Variants in ACTRT3 observed in about 807,000 individuals in gnomAD.
ACTRT3 encodes actin related protein T3.
Under a neutral mutation model 17.6 loss-of-function variants are expected in ACTRT3, and 15 were observed. The ratio of observed to expected loss-of-function variants is 0.85; its 90% CI spans 0.57 to 1.31. The LOEUF (loss-of-function observed/expected upper bound fraction) is 1.31, where lower values mean the gene tolerates loss of function less well. ACTRT3 is among the 50% of genes most tolerant of loss of function. The pLI is 0.00. For missense variants in ACTRT3, 457 were observed against 466.7 expected (o/e 0.98, Z 0.19); for synonymous variants, 169 against 176.4 (o/e 0.96, Z 0.33).
At chr3:169,768,504 T>C (rs532074762) in intron 1 of ACTRT3, among the ~76,000 whole-genome samples, 154 bp from the exon 2 acceptor site, 221 of 151,758 alleles carry the variant, frequency 1.5e-3, no homozygotes, top group Admixed American at 4.0e-3. Context: ...CAGCCAAAAA[T>C]AGCACAGCTA....
intron 1 of ACTRT3, among the ~76,000 whole-genome samples, chr3:169,768,791 G>C (rs1778027984): frequency 6.6e-6 from 1 of 152,056 alleles, no homozygotes; most frequent in Non-Finnish European, 1.5e-5. Flanking sequence ...GCCTCCCAAA[G>C]TGCTAGGATT....
At chr3:169,768,376 G>C in intron 1 of ACTRT3, 26 bp from the exon 2 acceptor site, 1 of 1,571,566 alleles carries the variant, frequency 6.4e-7, no homozygotes, top group East Asian at 2.3e-5. Context: ...TAAGATCAAT[G>C]ACAGCTTTTT....
chr3:169,768,145 G>A lies in ACTRT3; in HGVS notation c.406C>T (p.Gln136Ter), dbSNP rs1778015598. The A allele has an allele frequency of 6.2e-7, 1 of 1,613,982 alleles. No individual in the cohort carries two copies. The highest frequency in any genetic ancestry group is 1.3e-5 in the African/African-American group (1 of 74,916). ...GCAGCAAAGAGAGCCAGCACAGCCTGGATGGACATATAGAAGGCAGGAACA... is the reference window on the plus strand; with the variant it reads ...GCAGCAAAGAGAGCCAGCACAGCCTAGATGGACATATAGAAGGCAGGAACA... ...LGVPAFYMSI[Q>*]AVLALFAAGF... The change falls in exon 2 of 2, where the codon CAG becomes TAG. Residue 136 changes from glutamine to a stop codon, truncating the protein, a stop_gained. Coordinates refer to ENST00000330368, the MANE Select transcript of ACTRT3 (RefSeq NM_032487.5). LOFTEE classifies it high-confidence loss of function.
In ACTRT3 at chr3:169,767,693, C is replaced by T. The variant is rs1225548589; in HGVS notation, c.858G>A (p.Leu286=). ...TAATATTGGAAAAGAAGGAATTCCT[C>T]AGGCCTGTATCACATTTCATTATGC... is the stretch of plus-strand genomic sequence containing the variant. The part of the protein sequence containing the change: ...FSSIMKCDTG[L]RNSFFSNIIL... The change falls in exon 2 of 2, where the codon CTG becomes CTA. Residue 286 remains leucine (L), a synonymous_variant. Coordinates refer to ENST00000330368, the MANE Select transcript of ACTRT3 (RefSeq NM_032487.5). 4 of 1,613,876 alleles carry T rather than the reference C, an allele frequency of 2.5e-6. No individual in the cohort carries two copies. Among genetic ancestry groups the T allele is most frequent in the Admixed American group, 3.3e-5 (2 of 60,008 alleles).
chr3:169,768,244 A>T lies in ACTRT3; in HGVS notation c.307T>A (p.Leu103Met). 6.2e-7 allele frequency: 1 copy of T among 1,613,968 alleles called. No individual in the cohort carries two copies. Among genetic ancestry groups the T allele is most frequent in the Non-Finnish European group, 8.5e-7 (1 of 1,180,028 alleles). The change falls in exon 2 of 2, where the codon TTG becomes ATG. Residue 103 changes from leucine to methionine, a missense_variant. Transcript: ENST00000330368. ...LKLKPCDGPV[L>M]ITEPALNPLA... Reference sequence around the variant, plus strand: ...GGGTTCAGCGCTGGCTCAGTAATCAAGACTGGGCCATCACACGGCTTCAGC... The same window carrying T: ...GGGTTCAGCGCTGGCTCAGTAATCATGACTGGGCCATCACACGGCTTCAGC...
At chr3:169,768,454 T>C (rs1232423713) in intron 1 of ACTRT3, 104 bp from the exon 2 acceptor site, 3 of 1,077,632 alleles carry the variant, frequency 2.8e-6, no homozygotes, top group Non-Finnish European at 3.9e-6. Flanking sequence ...TATCCCTTTA[T>C]GGGCAATAAC....
chr3:169,768,483 C>A (rs9860874), intron 1 of ACTRT3, 133 bp from the exon 2 acceptor site: 250,674 of 839,502 alleles, frequency 0.3, 43,341 homozygotes, highest in East Asian at 0.71. Context: ...CCTCTCACAG[C>A]AGGTAAGTGT....
chr3:169,767,508 G>T lies in ACTRT3; in HGVS notation c.1043C>A (p.Ala348Asp). Residue 348 changes from alanine (A) to aspartate (D), a missense_variant, in exon 2 of 2, where the codon GCC becomes GAC. Ala to Asp is a moderately radical substitution (Grantham distance 126). Transcript: ENST00000330368. ...MGGSILASLS[A>D]FQDMWITAAE... ...AGCAGTGATCCACATGTCCTGGAAG[G>T]CAGACAAGGATGCAAGAATAGAACC... is the stretch of plus-strand genomic sequence containing the variant. The T allele has an allele frequency of 6.2e-7, 1 of 1,613,894 alleles. No individual in the cohort carries two copies. Among genetic ancestry groups the T allele is most frequent in the Non-Finnish European group, 8.5e-7 (1 of 1,179,946 alleles).
chr3:169,767,882 T>A lies in ACTRT3; in HGVS notation c.669A>T (p.Glu223Asp), dbSNP rs1316483384. 4 of 1,614,084 alleles carry A rather than the reference T, an allele frequency of 2.5e-6. No individual in the cohort carries two copies. The highest frequency in any genetic ancestry group is 3.4e-6 in the Non-Finnish European group (4 of 1,180,038). ...ESFCYVAMNY[E>D]EEMAKKPDCL... Reference sequence around the variant, plus strand: ...AATCGGGTTTCTTGGCCATTTCCTCTTCGTAGTTCATTGCCACATAACAAA... The same window carrying A: ...AATCGGGTTTCTTGGCCATTTCCTCATCGTAGTTCATTGCCACATAACAAA... Residue 223 changes from glutamate to aspartate, a missense_variant, in exon 2 of 2, where the codon GAA becomes GAT. Glu to Asp is a conservative substitution (Grantham distance 45). Coordinates refer to ENST00000330368, the MANE Select transcript of ACTRT3 (RefSeq NM_032487.5).
At position 169,767,194 on chromosome 3, in the gene ACTRT3, C is replaced by A; in HGVS notation, c.*238G>T. On this transcript the variant is annotated 3_prime_UTR_variant, in exon 2 of 2. Coordinates refer to ENST00000330368, the MANE Select transcript of ACTRT3 (RefSeq NM_032487.5). ...CTCTTCCAAGGGAAATATAAGCTCACCAACGTCAAGTTATAGAAGAAACAC... is the reference window on the plus strand; with the variant it reads ...CTCTTCCAAGGGAAATATAAGCTCAACAACGTCAAGTTATAGAAGAAACAC... The A allele has an allele frequency of 2.9e-6, 1 of 348,300 alleles. No individual in the cohort carries two copies. The highest frequency in any genetic ancestry group is 5.2e-6 in the Non-Finnish European group (1 of 193,054). The allele number at this position is 348,300 out of a possible 1,614,324, so 21.6% of individuals were successfully genotyped here. A position where few individuals can be genotyped will look rare whatever the true frequency, so the allele number is the denominator to read the frequency against.
In ACTRT3 at chr3:169,767,594, A is replaced by G; in HGVS notation, c.957T>C (p.Pro319=). The part of the protein sequence containing the change: ...RLVKDIAKVA[P]ANTAVQVIAP... ...CTATAACTTGCACAGCGGTGTTGGC[A>G]GGAGCCACCTTTGCTATATCCTTAA... Residue 319 remains proline, a synonymous_variant, in exon 2 of 2, where the codon CCT becomes CCC. Coordinates refer to ENST00000330368, the MANE Select transcript of ACTRT3 (RefSeq NM_032487.5). 1 of 1,614,080 alleles carries G rather than the reference A, an allele frequency of 6.2e-7. No homozygotes were observed. The highest frequency in any genetic ancestry group is 1.1e-5 in the South Asian group (1 of 91,086).
In ACTRT3 at chr3:169,767,337, G is replaced by A. The variant is rs535969799; in HGVS notation, c.*95C>T. ...AACAGAAATATTGGCATCCCAATAG[G>A]TGAAGTATTTTCTCTTCTCCCAGAA... On this transcript the variant is annotated 3_prime_UTR_variant, in exon 2 of 2. Transcript: ENST00000330368. 2.1e-4 allele frequency: 238 copies of A among 1,128,702 alleles called. 4 individuals carry two copies. The South Asian group carries it at 3.5e-3, about 17-fold the overall frequency. 69.9% of individuals were successfully genotyped at this position (1,128,702 alleles called of 1,614,324 possible).
At position 169,767,204 on chromosome 3, in the gene ACTRT3, G is replaced by C. The variant is rs1388692012; in HGVS notation, c.*228C>G. On this transcript the variant is annotated 3_prime_UTR_variant, in exon 2 of 2. Transcript: ENST00000330368. ...GGAAATATAAGCTCACCAACGTCAAGTTATAGAAGAAACACTATGGGAAAC... is the reference window on the plus strand; with the variant it reads ...GGAAATATAAGCTCACCAACGTCAACTTATAGAAGAAACACTATGGGAAAC... The C allele has an allele frequency of 5.3e-6, 2 of 379,150 alleles. No individual in the cohort carries two copies. The highest frequency in any genetic ancestry group is 9.4e-6 in the Non-Finnish European group (2 of 212,786). The allele number at this position is 379,150 out of a possible 1,614,324, so 23.5% of individuals were successfully genotyped here.
rs756636889 is a variant in ACTRT3, at chr3:169,767,850, T to C, written c.701A>G (p.Glu234Gly). The change falls in exon 2 of 2, where the codon GAG becomes GGG. Residue 234 changes from glutamate (E) to glycine (G), a missense_variant. Glu to Gly is a moderately conservative substitution (Grantham distance 98). Transcript: ENST00000330368. The part of the protein sequence containing the change: ...EEMAKKPDCL[E>G]KVYQLPDGKV... Reference sequence around the variant, plus strand: ...CCCATCAGGTAGTTGGTAAACTTTCTCTAGACAATCGGGTTTCTTGGCCAT... The same window carrying C: ...CCCATCAGGTAGTTGGTAAACTTTCCCTAGACAATCGGGTTTCTTGGCCAT... 62 of 1,614,098 alleles carry C rather than the reference T, an allele frequency of 3.8e-5. No individual in the cohort carries two copies. Among genetic ancestry groups the C allele is most frequent in the Non-Finnish European group, 5.0e-5 (59 of 1,180,042 alleles).
rs775274501 is a variant in ACTRT3 at position 169,768,367 on chromosome 3, A to C, written c.201-17T>G. 6 of 1,588,342 alleles carry C rather than the reference A, an allele frequency of 3.8e-6. No individual in the cohort carries two copies. The highest frequency in any genetic ancestry group is 5.2e-6 in the Non-Finnish European group (6 of 1,162,702). ...ACTGGGTAACTGTAAGGAAAGCAAT[A>C]AGATCAATGACAGCTTTTTATTTTT... On this transcript the variant is annotated splice_polypyrimidine_tract_variant and intron_variant, in intron 1 of 1. Coordinates refer to ENST00000330368, the MANE Select transcript of ACTRT3 (RefSeq NM_032487.5).
Position 169,768,098 on chromosome 3 carries a change from C to T in ACTRT3, c.453G>A (p.Val151=), listed in dbSNP as rs754526634. The change falls in exon 2 of 2, where the codon GTG becomes GTA. Residue 151 remains valine, a synonymous_variant. Coordinates refer to ENST00000330368, the MANE Select transcript of ACTRT3 (RefSeq NM_032487.5). ...LFAAGFTTGL[V]LNSGAGVTQS... Reference sequence around the variant, plus strand: ...GGGTAACCCCAGCACCTGAATTCAGCACAAGGCCAGTAGTGAAGCCAGCAG... The same window carrying T: ...GGGTAACCCCAGCACCTGAATTCAGTACAAGGCCAGTAGTGAAGCCAGCAG... The T allele has an allele frequency of 6.2e-7, 1 of 1,613,946 alleles. No homozygotes were observed.
Position 169,767,391 on chromosome 3 carries a change from A to T in ACTRT3, c.*41T>A, listed in dbSNP as rs773858264. The T allele has an allele frequency of 6.7e-7, 1 of 1,502,470 alleles. No homozygotes were observed. The highest frequency in any genetic ancestry group is 1.4e-5 in the South Asian group (1 of 72,242). 93.1% of individuals were successfully genotyped at this position (1,502,470 alleles called of 1,614,324 possible). ...TATAATATCCAAAGTTTTCTGTCACATATACTCAAAACATTTTCTTCCAAC... is the reference window on the plus strand; with the variant it reads ...TATAATATCCAAAGTTTTCTGTCACTTATACTCAAAACATTTTCTTCCAAC... On this transcript the variant is annotated 3_prime_UTR_variant, in exon 2 of 2. Transcript: ENST00000330368.
intron 1 of ACTRT3, 136 bp from the exon 2 acceptor site, chr3:169,768,486 G>T: frequency 2.5e-6 from 2 of 808,390 alleles, no homozygotes; most frequent in Non-Finnish European, 3.8e-6. Flanking sequence ...CTCACAGCAG[G>T]TAAGTGTCAG....
At chr3:169,768,401 T>C in intron 1 of ACTRT3, 51 bp from the exon 2 acceptor site, 1 of 1,512,408 alleles carries the variant, frequency 6.6e-7, no homozygotes, top group Non-Finnish European at 9.0e-7. Flanking sequence ...TTCTAGTTTC[T>C]ATTGTCTTCG....
Sources: gnomAD v4.1 joint callset for allele counts (sites outside exome capture counted in the v4.1 genomes callset) on GRCh38, gnomAD v4.1.1 for gene constraint, MANE v1.5 for transcripts, NCBI Gene and HGNC (gene_info 2026-07-23, HGNC 2026-07-21) for gene names.